Variants in RPH3A observed in about 807,000 individuals in gnomAD.
RPH3A encodes the protein rabphilin 3A.
A neutral mutation model predicts 102.2 loss-of-function variants in RPH3A; 48 were observed. The ratio of observed to expected loss-of-function variants is 0.47; its 90% CI spans 0.37 to 0.60. RPH3A has a LOEUF of 0.60. Among genes scored for constraint, RPH3A ranks in the 20% least tolerant of loss-of-function variants. RPH3A has a pLI of 0.00. For missense variants in RPH3A, 781 were observed against 910.1 expected, an observed-to-expected ratio of 0.86 and a Z score of 1.83; for synonymous variants, 310 against 324.3, an observed-to-expected ratio of 0.96 and a Z score of 0.47.
chr12:112,811,346 C>A (rs1466914624), intron 2 of RPH3A, among the ~76,000 whole-genome samples: 1 of 152,100 alleles, frequency 6.6e-6, no homozygotes, highest in Admixed American at 6.5e-5. Context: ...TAGCATGAGG[C>A]CTTTATTCAG....
intron 1 of RPH3A, among the ~76,000 whole-genome samples, chr12:112,700,804 C>T (rs966666651): frequency 9.2e-5 from 14 of 152,204 alleles, no homozygotes; most frequent in African/African-American, 3.4e-4. Context: ...CTCCAAAATA[C>T]CATTCCAAAG....
chr12:112,881,747 A>G, intron 14 of RPH3A, 25 bp from the exon 15 acceptor site: 1 of 1,583,804 alleles, frequency 6.3e-7, no homozygotes, highest in Non-Finnish European at 8.6e-7. Flanking sequence ...TGAGGCCCTC[A>G]CACCATTGCC....
At chr12:112,810,328 C>A (rs1333996288) in intron 2 of RPH3A, among the ~76,000 whole-genome samples, 1 of 152,190 alleles carries the variant, frequency 6.6e-6, no homozygotes, top group East Asian at 1.9e-4. Flanking sequence ...GGGGATGAAC[C>A]ACTTGCAACT....
intron 4 of RPH3A, 29 bp from the exon 5 acceptor site, chr12:112,847,666 AC>A: frequency 1.2e-6 from 2 of 1,604,778 alleles, no homozygotes; most frequent in Non-Finnish European, 1.7e-6. Flanking sequence ...TTTTCTGCCC[AC>A]CCTCACACCT....
At chr12:112,683,044 G>C (rs995598747) in intron 1 of RPH3A, among the ~76,000 whole-genome samples, 2 of 152,090 alleles carry the variant, frequency 1.3e-5, no homozygotes, top group Non-Finnish European at 2.9e-5. Context: ...ATTTATTTCT[G>C]TCTTTCTTGC....
At position 112,897,106 on chromosome 12, in the gene RPH3A, G is replaced by T. The variant is rs903611491; in HGVS notation, c.*326G>T. The T allele has an allele frequency of 1.4e-5, 4 of 283,298 alleles. No individual in the cohort carries two copies. The highest frequency in any genetic ancestry group is 2.8e-5 in the Non-Finnish European group (4 of 143,902). 17.5% of individuals were successfully genotyped at this position (283,298 alleles called of 1,614,324 possible). On this transcript the variant is annotated 3_prime_UTR_variant, in exon 22 of 22. Transcript: ENST00000389385. ...ATTACAAAGGTTCTTCATCATTTAG[G>T]ACTGTTTTTAGACCCTCCTAGCCTT... is the stretch of plus-strand genomic sequence containing the variant.
At chr12:112,855,468 C>T (rs747174101) in intron 5 of RPH3A, among the ~76,000 whole-genome samples, 5 of 152,188 alleles carry the variant, frequency 3.3e-5, no homozygotes, top group Admixed American at 1.3e-4. Context: ...CCCTCGTCTC[C>T]GACTCTGAAC....
chr12:112,888,719 A>G (rs150488359), intron 17 of RPH3A, among the ~76,000 whole-genome samples: 1 of 152,332 alleles, frequency 6.6e-6, no homozygotes, highest in African/African-American at 2.4e-5. Context: ...AGAAAATAGC[A>G]AGGATCAAAG....
Position 112,862,130 on chromosome 12 carries a change from A to AGC in RPH3A, c.231-3283_231-3282dup, listed in dbSNP as rs746907669. On this transcript the variant is annotated intron_variant, in intron 5 of 21. Transcript: ENST00000389385. ...AGACCATGAGTTTGAGACCAGCCTA[A>AGC]GCAACATAGTGAGACCCCATCTTTC... Among the ~76,000 whole-genome samples the AGC allele has an allele frequency of 2.4e-4, 36 of 152,262 alleles. 1 individual carries two copies. The highest frequency in any genetic ancestry group is 1.7e-3 in the South Asian group (8 of 4,802).
intron 1 of RPH3A, among the ~76,000 whole-genome samples, chr12:112,756,400 C>T (rs551098496): frequency 1.3e-5 from 2 of 152,282 alleles, no homozygotes; most frequent in African/African-American, 4.8e-5. Flanking sequence ...TTGGTAGAGA[C>T]AGGGTTTCAC....
chr12:112,877,403 T>TAC (rs1288637172), intron 13 of RPH3A, among the ~76,000 whole-genome samples: 2 of 140,728 alleles, frequency 1.4e-5, no homozygotes, highest in Non-Finnish European at 3.0e-5. Context: ...CACACACGTA[T>TAC]ACACACACAC....
Position 112,750,135 on chromosome 12 carries a change from T to C in RPH3A, c.-139-42008T>C, listed in dbSNP as rs531999991. On this transcript the variant is annotated intron_variant, in intron 1 of 21. Transcript: ENST00000543106. ...AGAGCCACTGCATGAACATCTATTA[T>C]AAGCCTTACAGCACTGCAATTTTAT... 4.6e-5 allele frequency among the ~76,000 whole-genome samples: 7 copies of C among 152,292 alleles called. No individual in the cohort carries two copies. In the South Asian group the frequency reaches 6.2e-4, roughly 14 times the overall value.
chr12:112,850,102 A>G (rs1175332082), intron 5 of RPH3A, among the ~76,000 whole-genome samples: 1 of 152,196 alleles, frequency 6.6e-6, no homozygotes, highest in Non-Finnish European at 1.5e-5. Context: ...GGGGTTGCAC[A>G]GTCAGGGAGA....
Position 112,586,084 on chromosome 12 carries a change from A to G in RPH3A, c.-140+10765A>G, listed in dbSNP as rs1011167422. On this transcript the variant is annotated intron_variant, in intron 1 of 21. Transcript: ENST00000543106. ...AAAAAATCCATGAAATTCTTACCCA[A>G]TGAAATCTGATGTGTCATATAAAGG... is the stretch of plus-strand genomic sequence containing the variant. Among the ~76,000 whole-genome samples, 9 of 152,266 alleles carry G rather than the reference A, an allele frequency of 5.9e-5. No individual in the cohort carries two copies. The South Asian group carries it at 6.2e-4, about 11-fold the overall frequency.
chr12:112,844,081 A>T (rs2042191467), intron 4 of RPH3A, among the ~76,000 whole-genome samples: 1 of 152,214 alleles, frequency 6.6e-6, no homozygotes, highest in South Asian at 2.1e-4. Flanking sequence ...TCTGTCAGGA[A>T]TGCCACAGCA....
chr12:112,710,271 C>A (rs562630346), intron 1 of RPH3A, among the ~76,000 whole-genome samples: 31 of 152,202 alleles, frequency 2.0e-4, no homozygotes, highest in Non-Finnish European at 3.5e-4. Context: ...CCACCGCGCC[C>A]GGCCTGGTTG....
rs2043187362 is a variant in RPH3A at position 112,896,859 on chromosome 12, T to C, written c.*79T>C. The C allele has an allele frequency of 6.6e-7, 1 of 1,526,558 alleles. No homozygotes were observed. The highest frequency in any genetic ancestry group is 2.3e-5 in the East Asian group (1 of 43,862). The allele number at this position is 1,526,558 out of a possible 1,614,324, so 94.6% of individuals were successfully genotyped here. A position where few individuals can be genotyped will look rare whatever the true frequency, so the allele number is the denominator to read the frequency against. ...GCTGCCCACCGCACCCTGATCTCTC[T>C]TCTCTATGCCTACCTCCCCCCATAC... On this transcript the variant is annotated 3_prime_UTR_variant, in exon 22 of 22. Transcript: ENST00000389385.
chr12:112,871,582 G>T (rs2042709068), intron 10 of RPH3A, among the ~76,000 whole-genome samples: 1 of 152,010 alleles, frequency 6.6e-6, no homozygotes, highest in Non-Finnish European at 1.5e-5. Flanking sequence ...TGAAAAACCA[G>T]ACCTTGACGG....
At chr12:112,645,769 C>T (rs1219997311) in intron 1 of RPH3A, among the ~76,000 whole-genome samples, 3 of 152,138 alleles carry the variant, frequency 2.0e-5, no homozygotes, top group Non-Finnish European at 2.9e-5. Flanking sequence ...TTCATAAGTT[C>T]GTGGGTGCAG....
Sources: gnomAD v4.1 joint callset for allele counts (sites outside exome capture counted in the v4.1 genomes callset) on GRCh38, gnomAD v4.1.1 for gene constraint, MANE v1.5 for transcripts, NCBI Gene and HGNC (gene_info 2026-07-23, HGNC 2026-07-21) for gene names.